The following EIF3F variants were observed in gnomAD, a reference collection of about 807,000 sequenced individuals.
EIF3F encodes the protein eukaryotic translation initiation factor 3 subunit F.
In EIF3F, 8 loss-of-function variants were observed where a neutral mutation model predicts 36.0. That is an observed-to-expected ratio of 0.22 (90% CI 0.13 to 0.40). The LOEUF (loss-of-function observed/expected upper bound fraction) is 0.40, where lower values mean the gene tolerates loss of function less well. EIF3F is among the 10% of genes least tolerant of loss of function. The pLI, the probability that EIF3F is intolerant of heterozygous loss-of-function variation, is 1.00. For synonymous variants in EIF3F, 184 were observed against 188.5 expected (o/e 0.98, Z 0.19); for missense variants, 430 against 467.6 (o/e 0.92, Z 0.74).
In EIF3F at chr11:8,000,541, A is replaced by G. The variant is rs1168613537; in HGVS notation, c.*4519A>G. The stretch of plus-strand genomic sequence containing the variant: ...TGCTAGGAGTAGATCTCACCAGGAG[A>G]AATGAATATGTGAGGTGATGGATGT... On this transcript the variant is annotated 3_prime_UTR_variant, in exon 8 of 8. Transcript: ENST00000651655. 6.6e-6 allele frequency: 1 copy of G among 151,612 alleles called. No individual in the cohort carries two copies. Among genetic ancestry groups the G allele is most frequent in the Non-Finnish European group, 1.5e-5 (1 of 67,876 alleles). 9.4% of individuals were successfully genotyped at this position (151,612 alleles called of 1,614,324 possible). A position where few individuals can be genotyped will look rare whatever the true frequency, so the allele number is the denominator to read the frequency against.
rs1206930821 is a variant in EIF3F, at chr11:7,998,391, GCACTTAGGAA to G, written c.*2375_*2384del. 6 of 152,328 alleles carry G rather than the reference GCACTTAGGAA, an allele frequency of 3.9e-5. No individual in the cohort carries two copies. Among genetic ancestry groups the G allele is most frequent in the Non-Finnish European group, 7.3e-5 (5 of 68,040 alleles). 9.4% of individuals were successfully genotyped at this position (152,328 alleles called of 1,614,324 possible). ...CCAGGCGGCACATCACAGTCTTCTT[GCACTTAGGAA>G]CACTTGGCACTGTGCGTGGGGGTCA... is the stretch of plus-strand genomic sequence containing the variant. On this transcript the variant is annotated 3_prime_UTR_variant, in exon 8 of 8. Transcript: ENST00000651655.
intron 7 of EIF3F, chr11:7,995,601 GACTT>G (rs1380916896): frequency 3.4e-6 from 2 of 588,492 alleles, no homozygotes; most frequent in Non-Finnish European, 6.1e-6. Context: ...ATACTACTGT[GACTT>G]ACTGTCTAAA....
chr11:7,988,268 G>A (rs4625452), intron 1 of EIF3F, among the ~76,000 whole-genome samples: 151,969 of 152,378 alleles, frequency 1, 75,781 homozygotes, highest in Middle Eastern at 1. Flanking sequence ...GTTGGAACCC[G>A]CTTGGGATTT....
rs748631927 is a variant in EIF3F, at chr11:7,987,596, C to T, written c.244C>T (p.Leu82Phe). The change falls in exon 1 of 8, where the codon CTT (leucine) becomes TTT (phenylalanine). Residue 82 changes from leucine (L) to phenylalanine (F), a missense_variant. Coordinates refer to ENST00000651655, the MANE Select transcript of EIF3F (RefSeq NM_003754.3). ...TPAPALPGPALPGPFPGGRVV... is the reference protein window; with the variant it reads ...TPAPALPGPAFPGPFPGGRVV... ...AGCGCCCGCTCTGCCTGGTCCTGCT[C>T]TTCCAGGGCCCTTCCCCGGCGGCCG... The T allele has an allele frequency of 7.5e-6, 12 of 1,590,928 alleles. No individual in the cohort carries two copies. Among genetic ancestry groups the T allele is most frequent in the South Asian group, 4.5e-5 (4 of 88,822 alleles).
rs747156133 is a variant in EIF3F at position 7,987,538 on chromosome 11, C to T, written c.186C>T (p.Thr62=). Residue 62 remains threonine, a synonymous_variant, in exon 1 of 8, where the codon ACC becomes ACT. Transcript: ENST00000651655. ...AAAATAAPGQ[T]PASAQAPAQT... ...CTGCAACTGCGGCTCCTGGCCAGAC[C>T]CCGGCCTCAGCGCAAGCTCCAGCGC... 8 of 1,603,776 alleles carry T rather than the reference C, an allele frequency of 5.0e-6. No homozygotes were observed. In the African/African-American group the frequency reaches 8.1e-5, roughly 16 times the overall value.
In EIF3F at chr11:7,995,109, G is replaced by A; in HGVS notation, c.873G>A (p.Glu291=). The change falls in exon 6 of 8, where the codon GAG becomes GAA. Residue 291 remains glutamate, a synonymous_variant. Coordinates refer to ENST00000651655, the MANE Select transcript of EIF3F (RefSeq NM_003754.3). ...TGAGTACAGTGTTGCAATATGCAGA[G>A]GATGTACTGGTGAGAGGGGAAAGAA... The part of the protein sequence containing the change: ...DALSTVLQYA[E]DVLSGKVSAD... 6.2e-7 allele frequency: 1 copy of A among 1,613,962 alleles called. No homozygotes were observed. The highest frequency in any genetic ancestry group is 8.5e-7 in the Non-Finnish European group (1 of 1,179,892).
chr11:7,996,289 G>A lies in EIF3F; in HGVS notation c.*267G>A. The stretch of plus-strand genomic sequence containing the variant: ...TTGGTTATGTGTTTGGCATGTTACT[G>A]TTTTACCAAACTGTTCTTTTGGTTT... On this transcript the variant is annotated 3_prime_UTR_variant, in exon 8 of 8. Coordinates refer to ENST00000651655, the MANE Select transcript of EIF3F (RefSeq NM_003754.3). 3.1e-6 allele frequency: 1 copy of A among 321,432 alleles called. No homozygotes were observed. The highest frequency in any genetic ancestry group is 5.3e-5 in the East Asian group (1 of 18,756). 19.9% of individuals were successfully genotyped at this position (321,432 alleles called of 1,614,324 possible). A position where few individuals can be genotyped will look rare whatever the true frequency, so the allele number is the denominator to read the frequency against.
rs764907812 is a variant in EIF3F, at chr11:7,987,367, G to C, written c.15G>C (p.Ala5=). Residue 5 remains alanine (A), a synonymous_variant, in exon 1 of 8, where the codon GCG becomes GCC. Coordinates refer to ENST00000651655, the MANE Select transcript of EIF3F (RefSeq NM_003754.3). Reference sequence around the variant, plus strand: ...TTCTCGACAAGATGGCCACACCGGCGGTACCAGTAAGTGCTCCTCCGGCCA... The same window carrying C: ...TTCTCGACAAGATGGCCACACCGGCCGTACCAGTAAGTGCTCCTCCGGCCA... MATP[A]VPVSAPPATP... 15 of 1,594,240 alleles carry C rather than the reference G, an allele frequency of 9.4e-6. No individual in the cohort carries two copies. The highest frequency in any genetic ancestry group is 1.3e-5 in the Non-Finnish European group (15 of 1,176,846).
At chr11:7,991,606 T>TTCAG (rs1942096427) in intron 1 of EIF3F, among the ~76,000 whole-genome samples, 175 bp from the exon 2 acceptor site, 1 of 152,172 alleles carries the variant, frequency 6.6e-6, no homozygotes, top group Admixed American at 6.5e-5. Context: ...ACACCACAGT[T>TTCAG]TCAGTTCCCT....
intron 1 of EIF3F, among the ~76,000 whole-genome samples, chr11:7,990,764 G>C (rs1481223988): frequency 6.6e-6 from 1 of 152,078 alleles, no homozygotes; most frequent in Admixed American, 6.6e-5. Flanking sequence ...GTTTCTGGTG[G>C]AGAGGGAAAC....
At chr11:7,987,890 G>T in intron 1 of EIF3F, 174 bp downstream of exon 1, 1 of 978,276 alleles carries the variant, frequency 1.0e-6, no homozygotes, top group Admixed American at 4.2e-5. Context: ...ATCTTCTCAA[G>T]CACTTGCATC....
In EIF3F at chr11:7,992,195, G is replaced by A. The variant is rs937931364; in HGVS notation, c.515+32G>A. On this transcript the variant is annotated intron_variant, in intron 3 of 7. Transcript: ENST00000651655. ...TGGGGAGGTGGGGGCTGGGGTTAAT[G>A]GAAGGTCTCTTCGTGATTGCCGGTG... 2.5e-6 allele frequency: 4 copies of A among 1,569,096 alleles called. No individual in the cohort carries two copies. In the Admixed American group the frequency reaches 6.8e-5, roughly 27 times the overall value.
intron 4 of EIF3F, 57 bp downstream of exon 4, chr11:7,993,081 C>T: frequency 6.6e-7 from 1 of 1,506,314 alleles, no homozygotes; most frequent in Non-Finnish European, 8.9e-7. Flanking sequence ...CCATCCCTCC[C>T]CCACCCCAAG....
At position 7,987,427 on chromosome 11, in the gene EIF3F, A is replaced by G; in HGVS notation, c.75A>G (p.Ser25=). 6.2e-7 allele frequency: 1 copy of G among 1,602,244 alleles called. No individual in the cohort carries two copies. Among genetic ancestry groups the G allele is most frequent in the Non-Finnish European group, 8.5e-7 (1 of 1,179,348 alleles). ...CAGTCCCGGCGGCGGCCCCAGCCTC[A>G]GTTCCAGCGCCAACGCCAGCACCGG... ...PTPVPAAAPA[S]VPAPTPAPAA... Residue 25 remains serine (S), a synonymous_variant, in exon 1 of 8, where the codon TCA becomes TCG. Transcript: ENST00000651655.
intron 1 of EIF3F, 137 bp from the exon 2 acceptor site, chr11:7,991,644 G>C (rs776543589): frequency 7.2e-6 from 6 of 829,102 alleles, no homozygotes; most frequent in Non-Finnish European, 1.2e-5. Context: ...TCGATGCACC[G>C]GACTAAACTT....
Position 7,998,930 on chromosome 11 carries a change from T to C in EIF3F, c.*2908T>C, listed in dbSNP as rs183370557. 7.9e-5 allele frequency: 12 copies of C among 152,238 alleles called. No individual in the cohort carries two copies. The highest frequency in any genetic ancestry group is 6.8e-3 in the Middle Eastern group (2 of 294). The allele number at this position is 152,238 out of a possible 1,614,324, so 9.4% of individuals were successfully genotyped here. A position where few individuals can be genotyped will look rare whatever the true frequency, so the allele number is the denominator to read the frequency against. ...ATTACTTAGCGTTATTCTAGACTTA[T>C]TAGCCATTGTATTTAAACAAGAGGA... On this transcript the variant is annotated 3_prime_UTR_variant, in exon 8 of 8. Transcript: ENST00000651655.
In EIF3F at chr11:7,995,994, C is replaced by T. The variant is rs373859618; in HGVS notation, c.1046C>T (p.Ala349Val). 1.2e-6 allele frequency: 2 copies of T among 1,613,920 alleles called. No individual in the cohort carries two copies. Among genetic ancestry groups the T allele is most frequent in the Middle Eastern group, 1.7e-4 (1 of 6,056 alleles). The change falls in exon 8 of 8, where the codon GCA becomes GTA. Residue 349 changes from alanine to valine, a missense_variant. By Grantham distance (64) the Ala-to-Val change is moderately conservative. Coordinates refer to ENST00000651655, the MANE Select transcript of EIF3F (RefSeq NM_003754.3). ...YLANLTQSQIALNEKLVNL is the reference protein window; with the variant it reads ...YLANLTQSQIVLNEKLVNL Reference sequence around the variant, plus strand: ...GCCAACCTCACACAGTCACAGATTGCACTCAATGAAAAACTTGTAAACCTG... The same window carrying T: ...GCCAACCTCACACAGTCACAGATTGTACTCAATGAAAAACTTGTAAACCTG...
intron 6 of EIF3F, 31 bp downstream of exon 6, chr11:7,995,149 G>A: frequency 1.2e-6 from 2 of 1,611,868 alleles, no homozygotes; most frequent in Non-Finnish European, 1.7e-6. Context: ...CAAAGGGGGA[G>A]GACATAGTTC....
rs368264880 is a variant in EIF3F at position 7,990,844 on chromosome 11, G to A, written c.365-937G>A. Among the ~76,000 whole-genome samples, 26 of 149,842 alleles carry A rather than the reference G, an allele frequency of 1.7e-4. 2 individuals carry two copies. The South Asian group carries it at 5.3e-3, about 30-fold the overall frequency. On this transcript the variant is annotated intron_variant, in intron 1 of 7. Coordinates refer to ENST00000651655, the MANE Select transcript of EIF3F (RefSeq NM_003754.3). ...GGAAAACTCAACGTAGTGGTCTTAG[G>A]TCAAGAAACAAATGTAGTGGGAATA...
Sources: allele counts gnomAD v4.1 joint callset (sites outside exome capture counted in the v4.1 genomes callset), GRCh38; gene constraint gnomAD v4.1.1; transcripts MANE v1.5; gene names NCBI Gene and HGNC (gene_info 2026-07-23, HGNC 2026-07-21).